The following LRRC20 variants were observed in gnomAD, a reference collection of about 807,000 sequenced individuals.
The protein encoded by LRRC20 is leucine rich repeat containing 20, also known as leucine-rich repeat-containing protein 20.
In LRRC20, 11 loss-of-function variants were observed where a neutral mutation model predicts 14.4. The observed-to-expected ratio is 0.77, with a 90% CI of 0.48 to 1.27. LRRC20 has a LOEUF of 1.27. LRRC20 is among the 50% of genes most tolerant of loss of function. The probability of loss-of-function intolerance (pLI) is 0.00; values close to 1 mark genes in which losing one functional copy is unlikely to be tolerated. For synonymous variants in LRRC20, 121 were observed against 107.3 expected, an observed-to-expected ratio of 1.13 and a Z score of -0.79; for missense variants, 219 against 251.2, an observed-to-expected ratio of 0.87 and a Z score of 0.87.
At position 70,300,943 on chromosome 10, in the gene LRRC20, A is replaced by G. The variant is rs1589925694; in HGVS notation, c.*411T>C. On this transcript the variant is annotated 3_prime_UTR_variant, in exon 5 of 5. Transcript: ENST00000446961. ...CTCAGCACTAAAAACAAGGCCTCAAACCCGCAGGGGCTCAGAAAATACCTG... is the reference window on the plus strand; with the variant it reads ...CTCAGCACTAAAAACAAGGCCTCAAGCCCGCAGGGGCTCAGAAAATACCTG... The G allele has an allele frequency of 3.0e-6, 3 of 996,288 alleles. No homozygotes were observed. The African/African-American group carries it at 5.2e-5, about 17-fold the overall frequency. The allele number at this position is 996,288 out of a possible 1,614,324, so 61.7% of individuals were successfully genotyped here.
chr10:70,374,565 A>G (rs1256289375), intron 2 of LRRC20, among the ~76,000 whole-genome samples: 2 of 151,894 alleles, frequency 1.3e-5, no homozygotes, highest in African/African-American at 4.8e-5. Context: ...GCTGGTCTTG[A>G]ACTCCTGGCC....
At chr10:70,326,241 TC>T (rs1276718936) in intron 3 of LRRC20, among the ~76,000 whole-genome samples, 1 of 147,516 alleles carries the variant, frequency 6.8e-6, no homozygotes, top group Admixed American at 6.8e-5. Flanking sequence ...CCACAGCCCC[TC>T]CCAGGTATCC....
At chr10:70,379,782 G>A (rs1200468579) in intron 1 of LRRC20, among the ~76,000 whole-genome samples, 1 of 152,184 alleles carries the variant, frequency 6.6e-6, no homozygotes, top group Non-Finnish European at 1.5e-5. Flanking sequence ...AGATGGGGAG[G>A]TGGTGCCTTA....
chr10:70,357,916 C>T (rs116875749), intron 2 of LRRC20, among the ~76,000 whole-genome samples: 7,339 of 152,270 alleles, frequency 0.048, 223 homozygotes, highest in South Asian at 0.097. Flanking sequence ...GAGGAGGCCA[C>T]GTGGCCAAGC....
intron 3 of LRRC20, among the ~76,000 whole-genome samples, chr10:70,336,047 C>G (rs1842717223): frequency 6.6e-6 from 1 of 152,198 alleles, no homozygotes; most frequent in Non-Finnish European, 1.5e-5. Flanking sequence ...AGATGAGGGG[C>G]TCCTCCGGGG....
In LRRC20 at chr10:70,376,511, G is replaced by A; in HGVS notation, c.23C>T (p.Ala8Val). The change falls in exon 2 of 5, where the codon GCC (alanine) becomes GTC (valine). Residue 8 changes from alanine to valine, a missense_variant. Ala to Val is a moderately conservative substitution (Grantham distance 64). Coordinates refer to ENST00000446961, the MANE Select transcript of LRRC20 (RefSeq NM_001278212.2). MLKKMGE[A>V]VARVARKVNE... ...GACCTTCCTTGCTACTCTGGCCACG[G>A]CCTCACCCATCTTCTTCAGCATGCA... 6.2e-7 allele frequency: 1 copy of A among 1,613,788 alleles called. No individual in the cohort carries two copies. Among genetic ancestry groups the A allele is most frequent in the Non-Finnish European group, 8.5e-7 (1 of 1,180,018 alleles).
chr10:70,325,675 G>C (rs1435246478), intron 3 of LRRC20, among the ~76,000 whole-genome samples: 2 of 152,218 alleles, frequency 1.3e-5, no homozygotes, highest in Non-Finnish European at 2.9e-5. Flanking sequence ...GATCACCCCA[G>C]GCCAGGGTGG....
At chr10:70,317,899 G>A (rs192844168) in intron 4 of LRRC20, among the ~76,000 whole-genome samples, 4 of 152,338 alleles carry the variant, frequency 2.6e-5, no homozygotes, top group Admixed American at 2.6e-4. Flanking sequence ...AGAGCTTTGG[G>A]TCCAGAAACA....
At chr10:70,308,275 C>T (rs1337580426) in intron 4 of LRRC20, among the ~76,000 whole-genome samples, 3 of 152,240 alleles carry the variant, frequency 2.0e-5, no homozygotes, top group East Asian at 1.9e-4. Context: ...CTGAAAGTTG[C>T]GAAAACCCAG....
chr10:70,362,016 G>A (rs1238170827), intron 2 of LRRC20, among the ~76,000 whole-genome samples: 2 of 152,004 alleles, frequency 1.3e-5, no homozygotes, highest in African/African-American at 2.4e-5. Context: ...GTGAAACCCC[G>A]TCTCTACTAA....
At chr10:70,371,213 C>T (rs561843679) in intron 2 of LRRC20, among the ~76,000 whole-genome samples, 5 of 151,804 alleles carry the variant, frequency 3.3e-5, no homozygotes, top group South Asian at 2.1e-4. Flanking sequence ...CATGGCTCAC[C>T]GCAGCCTCAA....
chr10:70,338,950 T>C (rs1842813033), intron 3 of LRRC20, among the ~76,000 whole-genome samples: 1 of 152,164 alleles, frequency 6.6e-6, no homozygotes, highest in Non-Finnish European at 1.5e-5. Context: ...CGTGAGCCAC[T>C]GCACCTGGCA....
rs145492362 is a variant in LRRC20 at position 70,340,732 on chromosome 10, G to C, written c.83-30C>G. On this transcript the variant is annotated intron_variant, in intron 2 of 4. Transcript: ENST00000446961. ...AGCCAAAGAACAAAAACAAACCAGA[G>C]TTATCAGCCACAGCTGCCCGAGAAC... 12 of 1,612,962 alleles carry C rather than the reference G, an allele frequency of 7.4e-6. No homozygotes were observed. In the East Asian group the frequency reaches 1.3e-4, roughly 18 times the overall value.
chr10:70,360,931 G>A (rs998538808), intron 2 of LRRC20, among the ~76,000 whole-genome samples: 6 of 151,920 alleles, frequency 3.9e-5, no homozygotes, highest in African/African-American at 7.3e-5. Context: ...GCCTATAGTC[G>A]CAGCTACTCT....
chr10:70,342,213 G>A (rs1003303459), intron 2 of LRRC20, among the ~76,000 whole-genome samples: 24 of 152,022 alleles, frequency 1.6e-4, no homozygotes, highest in African/African-American at 5.8e-4. Context: ...GGGAGGCTGA[G>A]TCATGAGAAT....
chr10:70,348,591 G>A (rs1843165386), intron 2 of LRRC20, among the ~76,000 whole-genome samples: 1 of 152,206 alleles, frequency 6.6e-6, no homozygotes. Flanking sequence ...TTTGGATCCA[G>A]GTTAGGTGGA....
chr10:70,335,422 A>G (rs1842697382), intron 3 of LRRC20, among the ~76,000 whole-genome samples: 1 of 152,156 alleles, frequency 6.6e-6, no homozygotes, highest in Non-Finnish European at 1.5e-5. Flanking sequence ...GCTCCCGACC[A>G]ACCAAAGCCG....
chr10:70,336,302 T>C (rs1362566308), intron 3 of LRRC20, among the ~76,000 whole-genome samples: 1 of 152,126 alleles, frequency 6.6e-6, no homozygotes, highest in African/African-American at 2.4e-5. Flanking sequence ...AAACAGGCAA[T>C]GACCAGGCCA....
intron 2 of LRRC20, among the ~76,000 whole-genome samples, chr10:70,363,819 T>C (rs1170152973): frequency 8.6e-6 from 1 of 116,096 alleles, no homozygotes; most frequent in African/African-American, 3.3e-5. Context: ...GGTGGCATGC[T>C]AGGCAGAAGG....
Sources: allele counts gnomAD v4.1 joint callset (sites outside exome capture counted in the v4.1 genomes callset), GRCh38; gene constraint gnomAD v4.1.1; transcripts MANE v1.5; gene names NCBI Gene and HGNC (gene_info 2026-07-23, HGNC 2026-07-21).